Variants in LINGO2 observed in about 807,000 individuals in gnomAD.
LINGO2 encodes leucine rich repeat and Ig domain containing 2.
LINGO2 carries 14 observed loss-of-function variants against 30.6 expected under a neutral mutation model. The observed-to-expected ratio is 0.46, with a 90% CI of 0.30 to 0.72. The LOEUF (loss-of-function observed/expected upper bound fraction) is 0.72, where lower values mean the gene tolerates loss of function less well. LINGO2 is among the 30% of genes least tolerant of loss of function. The pLI, the probability that LINGO2 is intolerant of heterozygous loss-of-function variation, is 0.07. For synonymous variants in LINGO2, 317 were observed against 288.5 expected, an observed-to-expected ratio of 1.10 and a Z score of -1.00; for missense variants, 729 against 751.7, an observed-to-expected ratio of 0.97 and a Z score of 0.35.
chr9:28,000,980 T>C (rs1192274154), intron 5 of LINGO2, among the ~76,000 whole-genome samples: 1 of 152,246 alleles, frequency 6.6e-6, no homozygotes, highest in Non-Finnish European at 1.5e-5. Context: ...CAATTCCAAA[T>C]TACTTTTACA....
chr9:28,017,443 T>C (rs1169044947), intron 4 of LINGO2, among the ~76,000 whole-genome samples: 1 of 152,156 alleles, frequency 6.6e-6, no homozygotes, highest in Non-Finnish European at 1.5e-5. Context: ...GAAAATCCCA[T>C]AGTGTCTGCC....
chr9:28,355,297 ATGTCTCTCTCTCTCTCTCTCTCTCTCTC>A (rs1820133794), intron 3 of LINGO2, among the ~76,000 whole-genome samples: 1 of 41,148 alleles, frequency 2.4e-5, no homozygotes, highest in Non-Finnish European at 5.5e-5. Context: ...CTCTCTCTCT[ATGTCTCTCTCTCTCTCTCTCTCTCTCTC>A]TGTCTCTGTC....
chr9:28,109,779 G>T (rs57504956), intron 4 of LINGO2, among the ~76,000 whole-genome samples: 21,039 of 152,112 alleles, frequency 0.14, 1,540 homozygotes, highest in South Asian at 0.19. Flanking sequence ...CATGCTCATG[G>T]ATAGGAAGAA....
chr9:28,754,835 G>A, the LINGO2 span, among the ~76,000 whole-genome samples: 1 of 151,770 alleles, frequency 6.6e-6, no homozygotes, highest in Non-Finnish European at 1.5e-5. Context: ...GTTTCACAGT[G>A]TTAGCCAGGA....
In LINGO2 at chr9:28,229,455, A is replaced by G. The variant is rs867962214; in HGVS notation, c.-87+65753T>C. ...TAGTAGGAACAAGTATCAGAGGAGC[A>G]AAGAAGAAGATGAAGAACAAGAGGA... On this transcript the variant is annotated intron_variant, in intron 4 of 5. Coordinates refer to ENST00000379992, the Ensembl canonical transcript of LINGO2. Among the ~76,000 whole-genome samples, 165 of 151,866 alleles carry G rather than the reference A, an allele frequency of 1.1e-3. 1 individual carries two copies. Among genetic ancestry groups the G allele is most frequent in the African/African-American group, 3.8e-3 (158 of 41,550 alleles).
intron 1 of LINGO2, among the ~76,000 whole-genome samples, chr9:28,508,482 C>T (rs1820240968): frequency 6.6e-6 from 1 of 152,042 alleles, no homozygotes; most frequent in African/African-American, 2.4e-5. Flanking sequence ...CTCACCTTCT[C>T]TCTTTTTTTC....
At chr9:28,545,109 T>G (rs12238199) in intron 1 of LINGO2, among the ~76,000 whole-genome samples, 9,389 of 152,142 alleles carry the variant, frequency 0.062, 379 homozygotes, top group South Asian at 0.14. Flanking sequence ...GGTTTTTAGC[T>G]GCAGAGATTA....
At chr9:28,059,862 C>G (rs535303034) in intron 4 of LINGO2, among the ~76,000 whole-genome samples, 11 of 151,934 alleles carry the variant, frequency 7.2e-5, no homozygotes, top group Non-Finnish European at 1.5e-4. Flanking sequence ...GAGCAGATTG[C>G]AGGAGGCCTA....
chr9:29,165,313 T>C, the LINGO2 span, among the ~76,000 whole-genome samples: 792 of 152,228 alleles, frequency 5.2e-3, 6 homozygotes, highest in African/African-American at 0.018. Flanking sequence ...GTTCTAAACA[T>C]TGAGAATAAT....
At chr9:29,152,956 A>C in the LINGO2 span, among the ~76,000 whole-genome samples, 4 of 152,182 alleles carry the variant, frequency 2.6e-5, no homozygotes, top group African/African-American at 9.6e-5. Flanking sequence ...AATACATAGC[A>C]AAAAGGACTT....
chr9:28,452,663 C>T, intron 2 of LINGO2, among the ~76,000 whole-genome samples: 1 of 151,772 alleles, frequency 6.6e-6, no homozygotes, highest in East Asian at 1.9e-4. Flanking sequence ...TGATTGCATA[C>T]AAGAAGTGAT....
rs1821811645 is a variant in LINGO2, at chr9:28,391,077, CTTTAA to C, written c.-278-18214_-278-18210del. On this transcript the variant is annotated intron_variant, in intron 2 of 5. Transcript: ENST00000379992. Reference sequence around the variant, plus strand: ...GTAATTCAGAATCATTTGAATTCATCTTTAATTTGTTTGCTTATTGACCTATTAGC... The same window carrying C: ...GTAATTCAGAATCATTTGAATTCATCTTTGTTTGCTTATTGACCTATTAGC... 3.3e-5 allele frequency among the ~76,000 whole-genome samples: 5 copies of C among 152,162 alleles called. No individual in the cohort carries two copies. The South Asian group carries it at 1.0e-3, about 32-fold the overall frequency.
the LINGO2 span, among the ~76,000 whole-genome samples, chr9:28,846,186 C>T: frequency 6.6e-6 from 1 of 151,676 alleles, no homozygotes; most frequent in Non-Finnish European, 1.5e-5. Flanking sequence ...AGCATTCTCA[C>T]ATTGGCTTAA....
the LINGO2 span, among the ~76,000 whole-genome samples, chr9:28,750,094 C>A: frequency 6.6e-6 from 1 of 152,056 alleles, no homozygotes; most frequent in Non-Finnish European, 1.5e-5. Context: ...TCTTTTTACT[C>A]ACAGACAAAC....
At chr9:29,176,613 G>A in the LINGO2 span, among the ~76,000 whole-genome samples, 3 of 152,300 alleles carry the variant, frequency 2.0e-5, no homozygotes, top group East Asian at 5.8e-4. Context: ...ACAGGAAAGA[G>A]CTTATCTAAT....
chr9:29,173,666 T>C, the LINGO2 span, among the ~76,000 whole-genome samples: 1 of 152,156 alleles, frequency 6.6e-6, no homozygotes, highest in African/African-American at 2.4e-5. Flanking sequence ...AGTGGCTATG[T>C]TAATCTCATT....
chr9:28,543,915 G>C (rs1375315489), intron 1 of LINGO2, among the ~76,000 whole-genome samples: 1 of 151,900 alleles, frequency 6.6e-6, no homozygotes, highest in Non-Finnish European at 1.5e-5. Context: ...CTAACAAAAA[G>C]TATTTTAGGC....
intron 1 of LINGO2, among the ~76,000 whole-genome samples, chr9:28,634,573 C>T (rs940250707): frequency 1.3e-5 from 2 of 151,266 alleles, no homozygotes; most frequent in Non-Finnish European, 2.9e-5. Context: ...GCAACCACCG[C>T]CTTCCGAGTT....
intron 5 of LINGO2, among the ~76,000 whole-genome samples, chr9:27,952,804 A>G (rs1276924137): frequency 6.6e-6 from 1 of 152,094 alleles, no homozygotes; most frequent in African/African-American, 2.4e-5. Context: ...AGAAAATTCA[A>G]TAATTTTATA....
Sources: allele counts gnomAD v4.1 joint callset (sites outside exome capture counted in the v4.1 genomes callset), GRCh38; gene constraint gnomAD v4.1.1; transcripts MANE v1.5; gene names NCBI Gene and HGNC (gene_info 2026-07-23, HGNC 2026-07-21).